Variants in FLT1 observed in about 807,000 individuals in gnomAD.
FLT1 encodes fms related receptor tyrosine kinase 1.
FLT1 carries 49 observed loss-of-function variants against 156.3 expected under a neutral mutation model. The observed-to-expected ratio is 0.31, with a 90% CI of 0.25 to 0.40. The LOEUF (loss-of-function observed/expected upper bound fraction) is 0.40, where lower values mean the gene tolerates loss of function less well. FLT1 is among the 10% of genes least tolerant of loss of function. The probability of loss-of-function intolerance (pLI) is 1.00; values close to 1 mark genes in which losing one functional copy is unlikely to be tolerated. For missense variants in FLT1, 1,322 were observed against 1,637.2 expected, an observed-to-expected ratio of 0.81 and a Z score of 3.32; for synonymous variants, 594 against 583.8, an observed-to-expected ratio of 1.02 and a Z score of -0.25.
chr13:28,315,292 C>T (rs529637779), intron 25 of FLT1, among the ~76,000 whole-genome samples: 85 of 152,224 alleles, frequency 5.6e-4, no homozygotes, highest in Non-Finnish European at 1.0e-3. Flanking sequence ...TGGAGGCTCA[C>T]GCCTGTAATC....
intron 3 of FLT1, among the ~76,000 whole-genome samples, chr13:28,446,255 G>A (rs564546265): frequency 9.2e-5 from 14 of 152,258 alleles, no homozygotes; most frequent in East Asian, 3.9e-4. Flanking sequence ...ATAAGACATC[G>A]TTGTCCACCC....
intron 19 of FLT1, among the ~76,000 whole-genome samples, chr13:28,327,871 T>C (rs3794400): frequency 0.72 from 109,663 of 152,030 alleles, 41,483 homozygotes; most frequent in East Asian, 0.88. Context: ...CCAGCCTCCC[T>C]GCCTCTTAAC....
intron 3 of FLT1, among the ~76,000 whole-genome samples, chr13:28,447,492 C>G: frequency 6.6e-6 from 1 of 151,976 alleles, no homozygotes. Context: ...TGGCCTAATA[C>G]AATATTCTCA....
At chr13:28,416,508 C>A (rs1041250388) in intron 10 of FLT1, among the ~76,000 whole-genome samples, 3 of 152,168 alleles carry the variant, frequency 2.0e-5, no homozygotes, top group Non-Finnish European at 4.4e-5. Flanking sequence ...ACATGTTAAC[C>A]AGGACTAGTG....
At chr13:28,424,261 A>G (rs1387934547) in intron 10 of FLT1, among the ~76,000 whole-genome samples, 1 of 152,026 alleles carries the variant, frequency 6.6e-6, no homozygotes, top group Non-Finnish European at 1.5e-5. Context: ...TTTTAATTAA[A>G]AAAAAAACTA....
chr13:28,493,948 G>T (rs1881601506), intron 1 of FLT1, among the ~76,000 whole-genome samples: 1 of 152,246 alleles, frequency 6.6e-6, no homozygotes, highest in Admixed American at 6.5e-5. Context: ...GGCTAGGCTT[G>T]TAAGTCAGTA....
chr13:28,404,746 G>T (rs566672625), intron 11 of FLT1, among the ~76,000 whole-genome samples: 1 of 152,154 alleles, frequency 6.6e-6, no homozygotes, highest in South Asian at 2.1e-4. Context: ...ATGGCTGGGT[G>T]CAGTGACTCA....
At position 28,319,292 on chromosome 13, in the gene FLT1, G is replaced by A. The variant is rs56681876; in HGVS notation, c.3286+131C>T. 12,951 of 693,718 alleles carry A rather than the reference G, an allele frequency of 0.019. 1,065 individuals are homozygous for A. In the African/African-American group the frequency reaches 0.19, roughly 10 times the overall value. 43.0% of individuals were successfully genotyped at this position (693,718 alleles called of 1,614,324 possible). Reference sequence around the variant, plus strand: ...ATTACTCATCTGAGAGTCTACATGGGCCCATTACACTTTAAGAGTTTTTTG... The same window carrying A: ...ATTACTCATCTGAGAGTCTACATGGACCCATTACACTTTAAGAGTTTTTTG... On this transcript the variant is annotated intron_variant, in intron 24 of 29. Coordinates refer to ENST00000282397, the MANE Select transcript of FLT1 (RefSeq NM_002019.4).
At chr13:28,341,716 C>T (rs1368072694) in intron 16 of FLT1, among the ~76,000 whole-genome samples, 1 of 152,050 alleles carries the variant, frequency 6.6e-6, no homozygotes, top group African/African-American at 2.4e-5. Flanking sequence ...ATGTCTTGTT[C>T]CTCTTTGCCT....
chr13:28,319,061 G>T lies in FLT1; in HGVS notation c.3286+362C>A, dbSNP rs142000437. Among the ~76,000 whole-genome samples the T allele has an allele frequency of 4.6e-5, 7 of 152,252 alleles. No homozygotes were observed. In the East Asian group the frequency reaches 1.4e-3, roughly 29 times the overall value. On this transcript the variant is annotated intron_variant, in intron 24 of 29. Coordinates refer to ENST00000282397, the MANE Select transcript of FLT1 (RefSeq NM_002019.4). ...GAAATTCTGAGGTGGTGGGAGACGCGGGGAGGGAAGCGGTAAGGGCATTAG... is the reference window on the plus strand; with the variant it reads ...GAAATTCTGAGGTGGTGGGAGACGCTGGGAGGGAAGCGGTAAGGGCATTAG...
chr13:28,372,062 A>G lies in FLT1; in HGVS notation c.2116+12823T>C, dbSNP rs1403016924. Among the ~76,000 whole-genome samples the G allele has an allele frequency of 5.8e-3, 189 of 32,524 alleles. 1 individual carries two copies. Among genetic ancestry groups the G allele is most frequent in the East Asian group, 0.03 (21 of 704 alleles). The allele number at this position is 32,524 out of a possible 152,430, so 21.3% of individuals were successfully genotyped here. A position where few individuals can be genotyped will look rare whatever the true frequency, so the allele number is the denominator to read the frequency against. ...TGTGTGTGTGTGTATATATATATAT[A>G]TATATATATATATATTTTTTTTTTT... On this transcript the variant is annotated intron_variant, in intron 14 of 29. Transcript: ENST00000282397.
intron 25 of FLT1, among the ~76,000 whole-genome samples, chr13:28,317,246 C>A (rs374777590): frequency 1.5e-4 from 23 of 152,274 alleles, no homozygotes; most frequent in African/African-American, 5.5e-4. Flanking sequence ...CCAGCTAGAG[C>A]CCTTGAAAAG....
intron 1 of FLT1, among the ~76,000 whole-genome samples, chr13:28,471,943 T>C (rs1248507060): frequency 2.0e-5 from 3 of 152,204 alleles, no homozygotes; most frequent in Non-Finnish European, 4.4e-5. Flanking sequence ...CTTTATCCCA[T>C]GCTACTTTGT....
At chr13:28,476,213 G>C (rs1232337511) in intron 1 of FLT1, among the ~76,000 whole-genome samples, 1 of 152,148 alleles carries the variant, frequency 6.6e-6, no homozygotes, top group East Asian at 1.9e-4. Flanking sequence ...TGGTGGTGGG[G>C]AGGTTGATGT....
At chr13:28,398,047 T>A (rs548841368) in intron 11 of FLT1, among the ~76,000 whole-genome samples, 2 of 152,100 alleles carry the variant, frequency 1.3e-5, no homozygotes, top group East Asian at 1.9e-4. Flanking sequence ...AGAAAAAAAA[T>A]TGGCAATATG....
Position 28,390,039 on chromosome 13 carries a change from A to G in FLT1, c.1726T>C (p.Ser576Pro). 1.9e-6 allele frequency: 3 copies of G among 1,614,216 alleles called. No homozygotes were observed. Among genetic ancestry groups the G allele is most frequent in the Non-Finnish European group, 1.7e-6 (2 of 1,180,046 alleles). The change falls in exon 13 of 30, where the codon TCT becomes CCT. Residue 576 changes from serine to proline, a missense_variant. Transcript: ENST00000282397. ...MPTEGEDLKL[S>P]CTVNKFLYRD... ...TATAAGAACTTGTTAACTGTGCAAG[A>G]CAGTTTCAGGTCCTCTCCTTCCGTC...
chr13:28,428,152 T>C (rs1240562147), intron 8 of FLT1, among the ~76,000 whole-genome samples: 2 of 152,234 alleles, frequency 1.3e-5, no homozygotes, highest in African/African-American at 2.4e-5. Context: ...CGAGCGAAGA[T>C]AGAAAAGCAG....
At chr13:28,481,286 C>T (rs1325337955) in intron 1 of FLT1, among the ~76,000 whole-genome samples, 1 of 125,260 alleles carries the variant, frequency 8.0e-6, no homozygotes, top group East Asian at 2.3e-4. Flanking sequence ...CCTGAGTCTA[C>T]AGTCGAGTCA....
At chr13:28,483,138 T>G (rs1353041525) in intron 1 of FLT1, among the ~76,000 whole-genome samples, 1 of 152,234 alleles carries the variant, frequency 6.6e-6, no homozygotes, top group Non-Finnish European at 1.5e-5. Context: ...AACAAAAATC[T>G]GATCTAGCAG....
Sources: allele counts gnomAD v4.1 joint callset (sites outside exome capture counted in the v4.1 genomes callset), GRCh38; gene constraint gnomAD v4.1.1; transcripts MANE v1.5; gene names NCBI Gene and HGNC (gene_info 2026-07-23, HGNC 2026-07-21).